Variants in PCCA observed in about 807,000 individuals in gnomAD.
The protein encoded by PCCA is propionyl-CoA carboxylase alpha chain, mitochondrial.
PCCA carries 74 observed loss-of-function variants against 101.3 expected under a neutral mutation model. The ratio of observed to expected loss-of-function variants is 0.73; its 90% confidence interval spans 0.61 to 0.89. PCCA has a LOEUF of 0.89. PCCA is among the 40% of genes least tolerant of loss of function. The pLI is 0.00. For missense variants in PCCA, 891 were observed against 907.0 expected (o/e 0.98, Z 0.23); for synonymous variants, 294 against 313.6 (o/e 0.94, Z 0.66).
intron 16 of PCCA, among the ~76,000 whole-genome samples, chr13:100,322,060 G>A (rs2068112548): frequency 6.6e-6 from 1 of 152,068 alleles, no homozygotes; most frequent in South Asian, 2.1e-4. Context: ...AAATACAGTG[G>A]GATAAATAAG....
At chr13:100,407,188 A>G (rs1200504283) in intron 19 of PCCA, among the ~76,000 whole-genome samples, 2 of 152,234 alleles carry the variant, frequency 1.3e-5, no homozygotes. Context: ...AACACATATT[A>G]GCATTATTCA....
At chr13:100,128,083 A>G (rs1214571636) in intron 4 of PCCA, among the ~76,000 whole-genome samples, 4 of 152,206 alleles carry the variant, frequency 2.6e-5, no homozygotes, top group Non-Finnish European at 2.9e-5. Context: ...GGAAAAGCAC[A>G]TAATTACATA....
intron 17 of PCCA, among the ~76,000 whole-genome samples, chr13:100,331,293 TAAAC>T (rs1455300318): frequency 6.6e-6 from 1 of 152,130 alleles, no homozygotes; most frequent in Non-Finnish European, 1.5e-5. Flanking sequence ...TATTGAGAGA[TAAAC>T]AAGATTTAGA....
chr13:100,284,031 G>A (rs568254999), intron 12 of PCCA, among the ~76,000 whole-genome samples: 1 of 152,216 alleles, frequency 6.6e-6, no homozygotes, highest in African/African-American at 2.4e-5. Context: ...CTGAGCCCCC[G>A]GTATGTTTAA....
chr13:100,213,380 C>G (rs1166803802), intron 7 of PCCA, among the ~76,000 whole-genome samples: 3 of 152,182 alleles, frequency 2.0e-5, no homozygotes, highest in Non-Finnish European at 2.9e-5. Flanking sequence ...TCCCTTTTCT[C>G]TATATCCTCG....
At chr13:100,522,407 A>G (rs372117408) in intron 22 of PCCA, among the ~76,000 whole-genome samples, 6 of 152,194 alleles carry the variant, frequency 3.9e-5, no homozygotes, top group Non-Finnish European at 4.4e-5. Flanking sequence ...AGATACTCCA[A>G]TGACTGATGA....
intron 20 of PCCA, among the ~76,000 whole-genome samples, chr13:100,440,461 G>GT (rs941799749): frequency 1.3e-4 from 19 of 150,664 alleles, no homozygotes; most frequent in Admixed American, 2.7e-4. Flanking sequence ...TTTCTTTTCA[G>GT]TTTTTTTTAG....
In PCCA at chr13:100,440,156, T is replaced by TTATA. The variant is rs398024171; in HGVS notation, c.1846-9045_1846-9042dup. On this transcript the variant is annotated intron_variant, in intron 20 of 23. Coordinates refer to ENST00000376285, the MANE Select transcript of PCCA (RefSeq NM_000282.4). ...GTTGTGAAATGACTAGAGTATTAAA[T>TTATA]TATATATATATATATATATATATAT... is the stretch of plus-strand genomic sequence containing the variant. Among the ~76,000 whole-genome samples, 494 of 92,642 alleles carry TTATA rather than the reference T, an allele frequency of 5.3e-3. 4 individuals are homozygous for TTATA. The highest frequency in any genetic ancestry group is 7.6e-3 in the Non-Finnish European group (349 of 45,698). 60.8% of individuals were successfully genotyped at this position (92,642 alleles called of 152,430 possible).
chr13:100,228,268 A>C (rs965902042), intron 7 of PCCA, among the ~76,000 whole-genome samples: 1 of 152,138 alleles, frequency 6.6e-6, no homozygotes, highest in African/African-American at 2.4e-5. Context: ...CGCCTGCCTC[A>C]GCCTCCCAGA....
At chr13:100,202,178 A>C (rs1172918334) in intron 6 of PCCA, among the ~76,000 whole-genome samples, 1 of 151,066 alleles carries the variant, frequency 6.6e-6, no homozygotes, top group Non-Finnish European at 1.5e-5. Context: ...CAAAAAAAAA[A>C]AAAAAAAAAA....
At chr13:100,244,743 T>C (rs1332270085) in intron 8 of PCCA, among the ~76,000 whole-genome samples, 1 of 152,088 alleles carries the variant, frequency 6.6e-6, no homozygotes, top group Non-Finnish European at 1.5e-5. Context: ...TAGAGAGAAA[T>C]AGGCAGGCAA....
intron 7 of PCCA, among the ~76,000 whole-genome samples, chr13:100,212,703 TATA>T: frequency 6.6e-6 from 1 of 152,306 alleles, no homozygotes; most frequent in South Asian, 2.1e-4. Flanking sequence ...CTCAAGTATT[TATA>T]ATGTCTTTGT....
intron 22 of PCCA, among the ~76,000 whole-genome samples, chr13:100,520,134 A>G (rs1341118178): frequency 6.6e-6 from 1 of 152,240 alleles, no homozygotes; most frequent in East Asian, 1.9e-4. Flanking sequence ...ACATGCAGAA[A>G]GTTACAGAGA....
intron 6 of PCCA, among the ~76,000 whole-genome samples, chr13:100,159,324 C>T (rs2054208231): frequency 6.6e-6 from 1 of 151,816 alleles, no homozygotes; most frequent in Non-Finnish European, 1.5e-5. Flanking sequence ...CTCCTGATGT[C>T]GTGATCCGCC....
chr13:100,228,745 A>G (rs939582454), intron 7 of PCCA, among the ~76,000 whole-genome samples: 2 of 151,960 alleles, frequency 1.3e-5, no homozygotes, highest in Non-Finnish European at 2.9e-5. Flanking sequence ...AAAAATACAA[A>G]AAAAATTAGT....
intron 6 of PCCA, among the ~76,000 whole-genome samples, chr13:100,183,985 A>G (rs577285210): frequency 6.6e-6 from 1 of 152,268 alleles, no homozygotes; most frequent in Admixed American, 6.5e-5. Context: ...TTGCCTTGCT[A>G]TAAAGAAATG....
intron 17 of PCCA, among the ~76,000 whole-genome samples, chr13:100,339,456 G>A (rs974503635): frequency 2.6e-5 from 4 of 152,186 alleles, no homozygotes; most frequent in African/African-American, 9.7e-5. Context: ...GTCAAAGGAT[G>A]TGTTAACCTA....
intron 6 of PCCA, chr13:100,198,549 G>A (rs2152459555): frequency 6.6e-6 from 1 of 152,216 alleles, no homozygotes; most frequent in African/African-American, 2.4e-5. Context: ...GCCCAGGCTG[G>A]AATGCAATGG....
At chr13:100,372,487 T>G (rs977085359) in intron 19 of PCCA, among the ~76,000 whole-genome samples, 12 of 152,190 alleles carry the variant, frequency 7.9e-5, no homozygotes, top group Non-Finnish European at 5.9e-5. Context: ...TTGGACTATG[T>G]GAGAGTTAAA....
Sources: allele counts gnomAD v4.1 joint callset (sites outside exome capture counted in the v4.1 genomes callset), GRCh38; gene constraint gnomAD v4.1.1; transcripts MANE v1.5; gene names NCBI Gene and HGNC (gene_info 2026-07-23, HGNC 2026-07-21).